RSRP1: variants seen among roughly 807,000 people sequenced by gnomAD.
The protein encoded by RSRP1 is arginine/serine-rich protein 1.
In RSRP1, 37 loss-of-function variants were observed where a neutral mutation model predicts 33.0. The ratio of observed to expected loss-of-function variants is 1.12; its 90% CI spans 0.86 to 1.48. The LOEUF (loss-of-function observed/expected upper bound fraction) is 1.48, where lower values mean the gene tolerates loss of function less well. Ranked by LOEUF, RSRP1 falls within the 40% of genes most tolerant of loss-of-function variation. RSRP1 has a pLI of 0.00. For missense variants in RSRP1, 402 were observed against 385.3 expected (o/e 1.04, Z -0.36); for synonymous variants, 167 against 158.7 (o/e 1.05, Z -0.40).
upstream of RSRP1, among the ~76,000 whole-genome samples, chr1:25,251,570 T>C (rs1307179243): frequency 6.6e-6 from 1 of 152,128 alleles, no homozygotes; most frequent in Non-Finnish European, 1.5e-5. Flanking sequence ...GGTTTCTCCA[T>C]GTTGGTCAGG....
At chr1:25,336,519 T>C (rs1325430908) in intron 1 of RSRP1, 1 of 147,234 alleles carries the variant, frequency 6.8e-6, no homozygotes, top group Non-Finnish European at 1.5e-5. Context: ...AAATTAAGCA[T>C]GTATCTTATT....
rs1442790668 is a variant in RSRP1, at chr1:25,244,162, AG to A, written c.673-530del. On this transcript the variant is annotated intron_variant, in intron 3 of 4. Transcript: ENST00000243189. ...TAATGCACATCCTGCACATTTCTGG[AG>A]AATTATAATAAACTTATCTGCAAGT... The A allele has an allele frequency of 2.3e-5, 29 of 1,288,264 alleles. No homozygotes were observed. In the East Asian group the frequency reaches 1.5e-3, roughly 67 times the overall value. The allele number at this position is 1,288,264 out of a possible 1,614,324, so 79.8% of individuals were successfully genotyped here.
chr1:25,243,776 T>TCA, intron 3 of RSRP1, 143 bp from the exon 4 acceptor site: 1 of 1,408,336 alleles, frequency 7.1e-7, no homozygotes, highest in Non-Finnish European at 9.3e-7. Context: ...GTAACAGAAC[T>TCA]ATTGAGTTTT....
intron 1 of RSRP1, among the ~76,000 whole-genome samples, chr1:25,269,047 T>G (rs1283148179): frequency 7.6e-6 from 1 of 131,258 alleles, no homozygotes; most frequent in African/African-American, 2.6e-5. Context: ...CCAGTACAGT[T>G]GTTCCTTGAC....
At chr1:25,291,469 C>A (rs1642501518) in intron 1 of RSRP1, among the ~76,000 whole-genome samples, 1 of 129,924 alleles carries the variant, frequency 7.7e-6, no homozygotes, top group Non-Finnish European at 1.8e-5. Context: ...GACTTCATCT[C>A]AAATTTAAAA....
Position 25,328,838 on chromosome 1 carries a change from TC to T in RSRP1, c.-67+9139del, listed in dbSNP as rs1644911974. 4 of 861,214 alleles carry T rather than the reference TC, an allele frequency of 4.6e-6. 1 individual carries two copies. The highest frequency in any genetic ancestry group is 2.4e-5 in the East Asian group (1 of 41,694). The allele number at this position is 861,214 out of a possible 1,614,324, so 53.3% of individuals were successfully genotyped here. A position where few individuals can be genotyped will look rare whatever the true frequency, so the allele number is the denominator to read the frequency against. ...GAGACATTTAGGCTGTTTCAAGAGA[TC>T]AAGCCAAAATCAGTATGTGGGTTCA... is the stretch of plus-strand genomic sequence containing the variant. On this transcript the variant is annotated intron_variant, in intron 1 of 1. Coordinates refer to the RSRP1 transcript ENST00000561867.
intron 1 of RSRP1, among the ~76,000 whole-genome samples, chr1:25,283,705 T>C (rs776491608): frequency 7.5e-6 from 1 of 133,734 alleles, no homozygotes; most frequent in Non-Finnish European, 1.8e-5. Flanking sequence ...AGGCACATGG[T>C]AAACGCTTAG....
chr1:25,268,657 G>T lies in RSRP1; in HGVS notation c.-66-21628C>A, dbSNP rs1354933875. Among the ~76,000 whole-genome samples, 2 of 129,262 alleles carry T rather than the reference G, an allele frequency of 1.5e-5. 1 individual carries two copies. The highest frequency in any genetic ancestry group is 3.7e-5 in the Non-Finnish European group (2 of 54,418). The allele number at this position is 129,262 out of a possible 152,430, so 84.8% of individuals were successfully genotyped here. On this transcript the variant is annotated intron_variant, in intron 1 of 1. Transcript: ENST00000561867. ...AGTTGATGCTGTCCTTTTAAATAGG[G>T]CAGTCAGAGGCCGGGCACAGTGGTT...
chr1:25,279,563 C>T (rs1641299605), intron 1 of RSRP1, among the ~76,000 whole-genome samples: 1 of 129,032 alleles, frequency 7.8e-6, no homozygotes, highest in East Asian at 2.0e-4. Context: ...CTCTCTGTGC[C>T]TCCCTTTCCC....
chr1:25,248,702 T>C (rs966045980), upstream of RSRP1, among the ~76,000 whole-genome samples: 30 of 152,254 alleles, frequency 2.0e-4, no homozygotes, highest in African/African-American at 6.7e-4. Flanking sequence ...TCACCCCACA[T>C]CTCCGCAGTT....
intron 1 of RSRP1, among the ~76,000 whole-genome samples, chr1:25,285,253 G>C (rs1641871891): frequency 7.5e-6 from 1 of 132,962 alleles, no homozygotes; most frequent in South Asian, 2.2e-4. Context: ...TCCTGCCTCA[G>C]CCGCCTGAGT....
chr1:25,256,633 T>C (rs1295108415), intron 1 of RSRP1, among the ~76,000 whole-genome samples: 1 of 152,042 alleles, frequency 6.6e-6, no homozygotes, highest in East Asian at 1.9e-4. Flanking sequence ...GCTAATTTTT[T>C]TTGTATTTTT....
chr1:25,336,908 A>G (rs1447647912), intron 1 of RSRP1: 1 of 151,946 alleles, frequency 6.6e-6, no homozygotes, highest in Non-Finnish European at 1.5e-5. Flanking sequence ...CAAACAAAAA[A>G]ACCCAAAGGG....
intron 1 of RSRP1, among the ~76,000 whole-genome samples, chr1:25,255,652 T>A (rs1384630776): frequency 6.6e-6 from 1 of 152,140 alleles, no homozygotes. Flanking sequence ...TTGTAATATA[T>A]AATAAAATAG....
At chr1:25,312,957 T>TAAAAAAAAAAAAAAAAAAAA (rs1491188755) in intron 1 of RSRP1, among the ~76,000 whole-genome samples, 1 of 24,412 alleles carries the variant, frequency 4.1e-5, no homozygotes, top group African/African-American at 8.0e-5. Flanking sequence ...AAAAAAAAAC[T>TAAAAAAAAAAAAAAAAAAAA]TTAGTGCTAT....
Position 25,278,345 on chromosome 1 carries a change from T to C in RSRP1, c.-66-31316A>G, listed in dbSNP as rs1303586406. On this transcript the variant is annotated intron_variant, in intron 1 of 1. Coordinates refer to the RSRP1 transcript ENST00000561867. ...GGGCTTGGAGTTAAGGGGCCTATGA[T>C]ATGCTTAGGGGAAGCAGAGAGTATC... 1.5e-5 allele frequency among the ~76,000 whole-genome samples: 2 copies of C among 130,086 alleles called. 1 individual carries two copies. Among genetic ancestry groups the C allele is most frequent in the Non-Finnish European group, 3.6e-5 (2 of 54,944 alleles). 85.3% of individuals were successfully genotyped at this position (130,086 alleles called of 152,430 possible). A position where few individuals can be genotyped will look rare whatever the true frequency, so the allele number is the denominator to read the frequency against.
At chr1:25,271,657 G>T (rs1178345895) in intron 1 of RSRP1, among the ~76,000 whole-genome samples, 1 of 132,624 alleles carries the variant, frequency 7.5e-6, no homozygotes, top group East Asian at 1.9e-4. Flanking sequence ...CACAGGGGAA[G>T]TTGGCTGCAG....
Position 25,271,378 on chromosome 1 carries a change from T to G in RSRP1, c.-66-24349A>C, listed in dbSNP as rs886864652. ...AGGGTGCTCACTACCTCATGAGTAT[T>G]TCAGTGGACAACTGTAATGGTCAAT... On this transcript the variant is annotated intron_variant, in intron 1 of 1. Transcript: ENST00000561867. 3.1e-5 allele frequency among the ~76,000 whole-genome samples: 4 copies of G among 130,956 alleles called. 2 individuals are homozygous for G. The highest frequency in any genetic ancestry group is 7.2e-5 in the Non-Finnish European group (4 of 55,458). The allele number at this position is 130,956 out of a possible 152,430, so 85.9% of individuals were successfully genotyped here.
intron 1 of RSRP1, chr1:25,329,250 T>TTG: frequency 1.5e-6 from 1 of 648,458 alleles, no homozygotes; most frequent in Non-Finnish European, 2.5e-6. Flanking sequence ...TTTTTTTTTT[T>TTG]TTTTTTTTTT....
Sources: allele counts gnomAD v4.1 joint callset (sites outside exome capture counted in the v4.1 genomes callset), GRCh38; gene constraint gnomAD v4.1.1; transcripts MANE v1.5; gene names NCBI Gene and HGNC (gene_info 2026-07-23, HGNC 2026-07-21).